The following KCNJ12 variants were observed in gnomAD, a reference collection of about 807,000 sequenced individuals.
KCNJ12 encodes the protein ATP-sensitive inward rectifier potassium channel 12.
A neutral mutation model predicts 22.3 loss-of-function variants in KCNJ12; 2 were observed. The observed-to-expected ratio is 0.09, with a 90% confidence interval of 0.04 to 0.28. The LOEUF (loss-of-function observed/expected upper bound fraction) is 0.28. Ranked by LOEUF, KCNJ12 falls within the 10% of genes least tolerant of loss-of-function variation. The probability of loss-of-function intolerance (pLI) is 1.00; values close to 1 mark genes in which losing one functional copy is unlikely to be tolerated. For missense variants in KCNJ12, 155 were observed against 633.3 expected, an observed-to-expected ratio of 0.24 and a Z score of 8.11; for synonymous variants, 117 against 261.4, an observed-to-expected ratio of 0.45 and a Z score of 5.33.
intron 1 of KCNJ12, among the ~76,000 whole-genome samples, chr17:21,393,752 A>G (rs782643105): frequency 3.9e-5 from 6 of 152,214 alleles, no homozygotes; most frequent in Non-Finnish European, 8.8e-5. Context: ...GGAAGGCACC[A>G]TTCAATCCCA....
intron 1 of KCNJ12, among the ~76,000 whole-genome samples, chr17:21,392,316 C>A (rs1905229740): frequency 6.6e-6 from 1 of 152,218 alleles, no homozygotes; most frequent in South Asian, 2.1e-4. Flanking sequence ...ACTTGTGGGT[C>A]ATGGAAGCTG....
At chr17:21,403,293 A>G (rs1427020376) in intron 1 of KCNJ12, among the ~76,000 whole-genome samples, 1 of 152,306 alleles carries the variant, frequency 6.6e-6, no homozygotes, top group Non-Finnish European at 1.5e-5. Flanking sequence ...ATTGATTCAT[A>G]AGAACTCTTT....
intron 2 of KCNJ12, among the ~76,000 whole-genome samples, chr17:21,409,362 G>A (rs1906184173): frequency 1.3e-5 from 2 of 152,308 alleles, no homozygotes; most frequent in South Asian, 4.1e-4. Flanking sequence ...GGGTTCAAGA[G>A]CCTTTGCTGT....
Position 21,417,956 on chromosome 17 carries a change from C to A in KCNJ12, c.*1312C>A, listed in dbSNP as rs1906941699. 6.0e-6 allele frequency: 1 copy of A among 167,192 alleles called. No individual in the cohort carries two copies. The highest frequency in any genetic ancestry group is 2.1e-4 in the South Asian group (1 of 4,840). The allele number at this position is 167,192 out of a possible 1,614,324, so 10.4% of individuals were successfully genotyped here. A position where few individuals can be genotyped will look rare whatever the true frequency, so the allele number is the denominator to read the frequency against. ...AGGAATCGCCACCCCCTCCTGCCAACTGGGATGACTGGGGAGGGCCACGCT... is the reference window on the plus strand; with the variant it reads ...AGGAATCGCCACCCCCTCCTGCCAAATGGGATGACTGGGGAGGGCCACGCT... On this transcript the variant is annotated 3_prime_UTR_variant, in exon 3 of 3. Coordinates refer to ENST00000583088, the MANE Select transcript of KCNJ12 (RefSeq NM_021012.5).
chr17:21,392,896 G>C (rs1555559477), intron 1 of KCNJ12, among the ~76,000 whole-genome samples: 1 of 152,208 alleles, frequency 6.6e-6, no homozygotes, highest in African/African-American at 2.4e-5. Flanking sequence ...GGCAGGGCAG[G>C]TGGGGTGTGT....
intron 1 of KCNJ12, among the ~76,000 whole-genome samples, chr17:21,382,977 C>T (rs1555558174): frequency 6.6e-6 from 1 of 151,568 alleles, no homozygotes. Flanking sequence ...AGCCGGAGGT[C>T]ACACAGTTCC....
intron 1 of KCNJ12, among the ~76,000 whole-genome samples, chr17:21,380,172 G>A (rs1386742649): frequency 1.3e-5 from 2 of 152,182 alleles, no homozygotes; most frequent in Admixed American, 1.3e-4. Flanking sequence ...CAGCTCCCGG[G>A]AGCTGTATTC....
chr17:21,390,010 A>G (rs553995173), intron 1 of KCNJ12, among the ~76,000 whole-genome samples: 30 of 152,080 alleles, frequency 2.0e-4, no homozygotes, highest in Non-Finnish European at 2.9e-4. Context: ...GCCTCATTCC[A>G]GAACCTTCTC....
intron 1 of KCNJ12, among the ~76,000 whole-genome samples, chr17:21,384,707 A>G (rs1555558441): frequency 6.6e-6 from 1 of 150,676 alleles, no homozygotes; most frequent in Non-Finnish European, 1.5e-5. Context: ...CACTGTCTTC[A>G]GGCTGGGGCA....
chr17:21,410,747 C>T (rs1597579191), intron 2 of KCNJ12, among the ~76,000 whole-genome samples: 1 of 152,282 alleles, frequency 6.6e-6, no homozygotes, highest in Non-Finnish European at 1.5e-5. Flanking sequence ...ACTGGTTTCA[C>T]CCCTACAGCC....
intron 2 of KCNJ12, 124 bp from the exon 3 acceptor site, chr17:21,415,163 C>G (rs1187102440): frequency 5.6e-6 from 6 of 1,062,548 alleles, no homozygotes; most frequent in Non-Finnish European, 8.1e-6. Flanking sequence ...TGGGCAAGAC[C>G]AGAGCACGAT....
chr17:21,411,157 G>C (rs1481071468), intron 2 of KCNJ12, among the ~76,000 whole-genome samples: 2 of 152,310 alleles, frequency 1.3e-5, no homozygotes, highest in African/African-American at 4.8e-5. Flanking sequence ...ACCGAAACCT[G>C]AGAAGCCCAG....
At chr17:21,400,917 G>A (rs1905581781) in intron 1 of KCNJ12, among the ~76,000 whole-genome samples, 1 of 152,310 alleles carries the variant, frequency 6.6e-6, no homozygotes, top group Non-Finnish European at 1.5e-5. Context: ...CTGACTCCAT[G>A]GGAGCAGGGA....
At chr17:21,377,889 G>A (rs782077890) in intron 1 of KCNJ12, among the ~76,000 whole-genome samples, 1 of 152,138 alleles carries the variant, frequency 6.6e-6, no homozygotes, top group East Asian at 1.9e-4. Context: ...CCCAGGGGGC[G>A]TTCCCATCTT....
At chr17:21,377,968 G>T (rs1904724777) in intron 1 of KCNJ12, among the ~76,000 whole-genome samples, 1 of 152,206 alleles carries the variant, frequency 6.6e-6, no homozygotes, top group South Asian at 2.1e-4. Context: ...TTCGAGCCCT[G>T]CAATAAAGCG....
At chr17:21,382,971 G>A (rs1023036492) in intron 1 of KCNJ12, among the ~76,000 whole-genome samples, 18 of 151,484 alleles carry the variant, frequency 1.2e-4, no homozygotes, top group South Asian at 8.3e-4. Context: ...CCCCACAGCC[G>A]GAGGTCACAC....
At chr17:21,410,902 T>C (rs1210269895) in intron 2 of KCNJ12, among the ~76,000 whole-genome samples, 1 of 152,310 alleles carries the variant, frequency 6.6e-6, no homozygotes, top group Non-Finnish European at 1.5e-5. Flanking sequence ...TTAAAGCTCT[T>C]AGAAGAGCAC....
Position 21,416,371 on chromosome 17 carries a change from G to A in KCNJ12, c.1029G>A (p.Ser343=), listed in dbSNP as rs111482429. 39 of 1,613,524 alleles carry A rather than the reference G, an allele frequency of 2.4e-5. No homozygotes were observed. Among genetic ancestry groups the A allele is most frequent in the Middle Eastern group, 3.3e-4 (2 of 6,036 alleles). The stretch of plus-strand genomic sequence containing the variant: ...AGAACCAGTACAAGATTGACTACTC[G>A]CACTTCCACAAGACCTATGAGGTGC... ...EEKNQYKIDY[S]HFHKTYEVPS... The change falls in exon 3 of 3, where the codon TCG becomes TCA. Residue 343 remains serine, a synonymous_variant. Transcript: ENST00000583088.
In KCNJ12 at chr17:21,395,533, A is replaced by G. The variant is rs868992720; in HGVS notation, c.-178-12986A>G. 3.9e-4 allele frequency among the ~76,000 whole-genome samples: 52 copies of G among 131,954 alleles called. 1 individual carries two copies. The Middle Eastern group carries it at 0.021, about 54-fold the overall frequency. The allele number at this position is 131,954 out of a possible 152,430, so 86.6% of individuals were successfully genotyped here. On this transcript the variant is annotated intron_variant, in intron 1 of 2. Transcript: ENST00000583088. ...GATGCGGACGTTGCAGTGAGCCGAG[A>G]TCGCACCACTACACTCCAGAGCGAG...
Sources: gnomAD v4.1 joint callset for allele counts (sites outside exome capture counted in the v4.1 genomes callset) on GRCh38, gnomAD v4.1.1 for gene constraint, MANE v1.5 for transcripts, NCBI Gene and HGNC (gene_info 2026-07-23, HGNC 2026-07-21) for gene names.